DHX29: variants seen among roughly 807,000 people sequenced by gnomAD.
DHX29 encodes DExH-box helicase 29, also known as ATP-dependent RNA helicase DHX29.
In DHX29, 79 loss-of-function variants were observed where a neutral mutation model predicts 167.9. The observed-to-expected ratio is 0.47, with a 90% CI of 0.39 to 0.57. The LOEUF (loss-of-function observed/expected upper bound fraction) is 0.57, where lower values mean the gene tolerates loss of function less well. DHX29 is among the 20% of genes least tolerant of loss of function. The pLI, the probability that DHX29 is intolerant of heterozygous loss-of-function variation, is 0.00. For missense variants in DHX29, 1,347 were observed against 1,593.4 expected (o/e 0.85, Z 2.63); for synonymous variants, 530 against 546.0 (o/e 0.97, Z 0.41).
At chr5:55,290,871 T>G (rs1748008354) in intron 6 of DHX29, among the ~76,000 whole-genome samples, 1 of 151,876 alleles carries the variant, frequency 6.6e-6, no homozygotes, top group African/African-American at 2.4e-5. Context: ...AAAAATTAGC[T>G]GGGTGTGGGG....
rs754183504 is a variant in DHX29 at position 55,261,391 on chromosome 5, T to C, written c.3937A>G (p.Ile1313Val). Residue 1313 changes from isoleucine (I) to valine (V), a missense_variant, in exon 25 of 27, where the codon ATT becomes GTT. Physicochemically the swap from Ile to Val is conservative, Grantham distance 29. Transcript: ENST00000251636. ...EVQHRERLLS[I>V]DGWIYFQAPV... is the part of the protein sequence containing the mutation. ...ACCTGAAAATAGATCCAGCCATCAATAGAAAGAAGACGTTCTCGGTGCTGA... is the reference window on the plus strand; with the variant it reads ...ACCTGAAAATAGATCCAGCCATCAACAGAAAGAAGACGTTCTCGGTGCTGA... The C allele has an allele frequency of 4.4e-6, 7 of 1,584,614 alleles. No homozygotes were observed. Among genetic ancestry groups the C allele is most frequent in the African/African-American group, 2.7e-5 (2 of 73,886 alleles).
intron 11 of DHX29, among the ~76,000 whole-genome samples, chr5:55,281,739 A>G (rs941265889): frequency 6.6e-6 from 1 of 152,098 alleles, no homozygotes; most frequent in African/African-American, 2.4e-5. Context: ...CAACTATATA[A>G]AGCTATAAAA....
Position 55,256,235 on chromosome 5 carries a change from G to T in DHX29, c.*253C>A. 3.4e-6 allele frequency: 1 copy of T among 293,982 alleles called. No homozygotes were observed. 18.2% of individuals were successfully genotyped at this position (293,982 alleles called of 1,614,324 possible). A position where few individuals can be genotyped will look rare whatever the true frequency, so the allele number is the denominator to read the frequency against. ...GCCTTGCCCTTATTAACACAACGAT[G>T]AGCAAAACATGCATAATACCAAAGA... On this transcript the variant is annotated 3_prime_UTR_variant, in exon 27 of 27. Transcript: ENST00000251636.
At chr5:55,300,336 C>T (rs913686765) in intron 1 of DHX29, among the ~76,000 whole-genome samples, 1 of 151,738 alleles carries the variant, frequency 6.6e-6, no homozygotes, top group Non-Finnish European at 1.5e-5. Flanking sequence ...GACTGCAACA[C>T]TGCACTCCAG....
rs763274038 is a variant in DHX29 at position 55,294,032 on chromosome 5, C to T, written c.765G>A (p.Glu255=). 86 of 1,606,382 alleles carry T rather than the reference C, an allele frequency of 5.4e-5. No homozygotes were observed. Among genetic ancestry groups the T allele is most frequent in the Non-Finnish European group, 7.0e-5 (82 of 1,177,900 alleles). Residue 255 remains glutamate (E), a synonymous_variant, in exon 6 of 27, where the codon GAG becomes GAA. Coordinates refer to ENST00000251636, the MANE Select transcript of DHX29 (RefSeq NM_019030.4). ...KNENSKSLEE[E]EKFDPNERYL... is the part of the protein sequence containing the mutation. ...TTCTACTCACAGGGTCAAATTTTTC[C>T]TCCTCTTCTAAACTTTTAGAATTCT...
intron 6 of DHX29, among the ~76,000 whole-genome samples, chr5:55,291,144 A>G (rs890549728): frequency 2.0e-5 from 3 of 152,236 alleles, no homozygotes; most frequent in African/African-American, 7.2e-5. Context: ...CTTTTGAGGA[A>G]AACGGATGTC....
chr5:55,263,330 T>C (rs1213092618), intron 23 of DHX29, among the ~76,000 whole-genome samples: 1 of 152,228 alleles, frequency 6.6e-6, no homozygotes, highest in Non-Finnish European at 1.5e-5. Context: ...GTACCTTCTT[T>C]ATTTGTTTCT....
chr5:55,281,135 CTATA>C (rs552724018), intron 12 of DHX29, among the ~76,000 whole-genome samples: 6 of 150,900 alleles, frequency 4.0e-5, no homozygotes, highest in South Asian at 2.1e-4. Flanking sequence ...CACACACACG[CTATA>C]TATATACACA....
Position 55,281,388 on chromosome 5 carries a change from T to C in DHX29, c.2093A>G (p.His698Arg). 2 of 1,598,920 alleles carry C rather than the reference T, an allele frequency of 1.3e-6. No individual in the cohort carries two copies. The highest frequency in any genetic ancestry group is 2.3e-5 in the East Asian group (1 of 43,880). The change falls in exon 12 of 27, where the codon CAT (histidine) becomes CGT (arginine). Residue 698 changes from histidine to arginine, a missense_variant. His to Arg is a conservative substitution (Grantham distance 29). Transcript: ENST00000251636. ...QEDGLLSNVS[H>R]VIVDEVHERS... ...TCCACTCACCTCATCTACAATAACA[T>C]GAGACACATTACTTAGAAGACCATC... is the stretch of plus-strand genomic sequence containing the variant.
intron 1 of DHX29, among the ~76,000 whole-genome samples, chr5:55,305,415 C>T (rs1033778772): frequency 3.3e-5 from 5 of 152,120 alleles, no homozygotes; most frequent in Non-Finnish European, 5.9e-5. Flanking sequence ...ACCAGACTTG[C>T]TATAGTTGAA....
At chr5:55,287,332 T>C (rs528645107) in intron 8 of DHX29, among the ~76,000 whole-genome samples, 5 of 152,130 alleles carry the variant, frequency 3.3e-5, no homozygotes, top group Non-Finnish European at 7.4e-5. Context: ...TCCCGGCTAC[T>C]TGGGAGACTG....
At position 55,268,573 on chromosome 5, in the gene DHX29, C is replaced by T. The variant is rs113754263; in HGVS notation, c.3295-751G>A. ...CTGAATAGCTGGGTCTACAGGGGTG[C>T]ACCACCATGCCCGGCCAATTTTTTA... On this transcript the variant is annotated intron_variant, in intron 21 of 26. Transcript: ENST00000251636. Among the ~76,000 whole-genome samples, 359 of 152,172 alleles carry T rather than the reference C, an allele frequency of 2.4e-3. 2 individuals carry two copies. In the Middle Eastern group the frequency reaches 0.024, roughly 10 times the overall value.
At position 55,273,279 on chromosome 5, in the gene DHX29, G is replaced by A. The variant is rs761111105; in HGVS notation, c.2775+14C>T. The stretch of plus-strand genomic sequence containing the variant: ...CAGGTGGATCACATATAAATTTGCT[G>A]TACTAAATTTTACCTTCCTGACTCC... On this transcript the variant is annotated intron_variant, in intron 17 of 26. Transcript: ENST00000251636. 97 of 1,577,164 alleles carry A rather than the reference G, an allele frequency of 6.2e-5. No homozygotes were observed. The highest frequency in any genetic ancestry group is 7.9e-5 in the Non-Finnish European group (92 of 1,161,230).
chr5:55,269,676 A>G (rs1423768306), intron 20 of DHX29, 39 bp from the exon 21 acceptor site: 30 of 1,514,154 alleles, frequency 2.0e-5, no homozygotes, highest in Non-Finnish European at 2.5e-5. Context: ...TATGAAATCA[A>G]AGAATGAACA....
Position 55,276,358 on chromosome 5 carries a change from T to C in DHX29, c.2335A>G (p.Lys779Glu), listed in dbSNP as rs141840989. 5.0e-6 allele frequency: 8 copies of C among 1,606,750 alleles called. No individual in the cohort carries two copies. The African/African-American group carries it at 1.1e-4, about 22-fold the overall frequency. The change falls in exon 14 of 27, where the codon AAA becomes GAA. Residue 779 changes from lysine (K) to glutamate (E), a missense_variant. Lys to Glu is a moderately conservative substitution (Grantham distance 56). This residue lies in a region of DHX29 where 882 missense variants were observed against 1,082.4 expected (regional missense o/e 0.81). Coordinates refer to ENST00000251636, the MANE Select transcript of DHX29 (RefSeq NM_019030.4). ...IIEETGFVLE[K>E]DSEYCQKFLE... ...AATTTCTGACAATATTCTGAGTCTT[T>C]TTCCAGTACAAAGCCTGTTTCTTCT... is the stretch of plus-strand genomic sequence containing the variant.
At chr5:55,294,184 G>A (rs1239185980) in intron 5 of DHX29, 39 bp from the exon 6 acceptor site, 2 of 1,539,796 alleles carry the variant, frequency 1.3e-6, no homozygotes, top group Admixed American at 2.0e-5. Flanking sequence ...ACCAAAGTTA[G>A]AAAAAGGTGT....
intron 12 of DHX29, among the ~76,000 whole-genome samples, chr5:55,277,796 C>A (rs990383566): frequency 1.3e-5 from 2 of 151,486 alleles, no homozygotes; most frequent in African/African-American, 4.9e-5. Flanking sequence ...ATCCCAGCTA[C>A]CCGGGAGGCT....
chr5:55,263,082 A>G (rs1448211099), intron 23 of DHX29, 150 bp from the exon 24 acceptor site: 2 of 631,082 alleles, frequency 3.2e-6, no homozygotes, highest in Admixed American at 6.1e-5. Context: ...CTTAGGGAAA[A>G]AAAAAAGATA....
chr5:55,299,958 C>A (rs1304378165), intron 1 of DHX29, among the ~76,000 whole-genome samples: 1 of 152,134 alleles, frequency 6.6e-6, no homozygotes, highest in East Asian at 1.9e-4. Flanking sequence ...GGTCTCATGA[C>A]CCCTTACTCT....
Sources: allele counts gnomAD v4.1 joint callset (sites outside exome capture counted in the v4.1 genomes callset), GRCh38; gene constraint gnomAD v4.1.1; regional missense constraint gnomAD v4.1.1; transcripts MANE v1.5; gene names NCBI Gene and HGNC (gene_info 2026-07-23, HGNC 2026-07-21).